Variants in FSTL5 observed in about 807,000 individuals in gnomAD.
FSTL5 encodes follistatin like 5.
A neutral mutation model predicts 89.1 loss-of-function variants in FSTL5; 62 were observed. The ratio of observed to expected loss-of-function variants is 0.70; its 90% CI spans 0.57 to 0.86. The LOEUF (loss-of-function observed/expected upper bound fraction) is 0.86. Ranked by LOEUF, FSTL5 falls within the 40% of genes least tolerant of loss-of-function variation. The pLI, the probability that FSTL5 is intolerant of heterozygous loss-of-function variation, is 0.00. For synonymous variants in FSTL5, 383 were observed against 346.2 expected, an observed-to-expected ratio of 1.11 and a Z score of -1.18; for missense variants, 1,057 against 1,001.6, an observed-to-expected ratio of 1.06 and a Z score of -0.75.
intron 7 of FSTL5, among the ~76,000 whole-genome samples, chr4:161,650,271 G>A (rs1392962185): frequency 1.3e-5 from 2 of 152,094 alleles, no homozygotes; most frequent in East Asian, 3.9e-4. Context: ...ATTATCATTC[G>A]TAGGAAAGTC....
At chr4:161,646,809 A>G (rs1736169607) in intron 7 of FSTL5, among the ~76,000 whole-genome samples, 1 of 152,158 alleles carries the variant, frequency 6.6e-6, no homozygotes, top group African/African-American at 2.4e-5. Context: ...CATACAAATG[A>G]TCATCTTTTA....
intron 4 of FSTL5, among the ~76,000 whole-genome samples, chr4:161,877,593 G>A (rs1250070881): frequency 6.6e-6 from 1 of 151,270 alleles, no homozygotes; most frequent in African/African-American, 2.4e-5. Context: ...TTGGGAGGCC[G>A]AGGAGGGCGG....
At chr4:162,115,210 T>G (rs1178202341) in intron 1 of FSTL5, among the ~76,000 whole-genome samples, 2 of 152,178 alleles carry the variant, frequency 1.3e-5, no homozygotes, top group South Asian at 2.1e-4. Flanking sequence ...GAAATATTAC[T>G]AAGAAAAACA....
chr4:161,711,642 C>T (rs1047699280), intron 6 of FSTL5, among the ~76,000 whole-genome samples: 3 of 151,794 alleles, frequency 2.0e-5, no homozygotes, highest in African/African-American at 7.3e-5. Context: ...TCAATATTAC[C>T]CTGATACCAA....
intron 8 of FSTL5, among the ~76,000 whole-genome samples, chr4:161,565,117 G>A (rs1364932421): frequency 6.6e-6 from 1 of 151,794 alleles, no homozygotes; most frequent in Non-Finnish European, 1.5e-5. Flanking sequence ...ATGTGGGGCC[G>A]AAAGCAAAGA....
At chr4:161,615,016 T>G (rs1012346249) in intron 7 of FSTL5, among the ~76,000 whole-genome samples, 2 of 151,972 alleles carry the variant, frequency 1.3e-5, no homozygotes, top group South Asian at 4.1e-4. Context: ...AGCCTTTGGC[T>G]GGGCGCGGTG....
chr4:162,036,488 C>T (rs10776535), intron 2 of FSTL5, among the ~76,000 whole-genome samples: 151,855 of 152,166 alleles, frequency 1, 75,772 homozygotes, highest in Middle Eastern at 1. Flanking sequence ...ATAAAACTCA[C>T]AGGACGTATT....
At chr4:161,773,893 T>C (rs1302763259) in intron 5 of FSTL5, among the ~76,000 whole-genome samples, 1 of 152,200 alleles carries the variant, frequency 6.6e-6, no homozygotes, top group Non-Finnish European at 1.5e-5. Flanking sequence ...TGCACTCTTA[T>C]GTTTATAGTA....
At chr4:161,623,326 A>G (rs1735207883) in intron 7 of FSTL5, among the ~76,000 whole-genome samples, 1 of 152,014 alleles carries the variant, frequency 6.6e-6, no homozygotes, top group Admixed American at 6.6e-5. Flanking sequence ...GGAAACAACC[A>G]TATTAGTATT....
intron 3 of FSTL5, among the ~76,000 whole-genome samples, chr4:161,968,934 TACACACACAC>T (rs147433060): frequency 1.4e-5 from 2 of 140,240 alleles, no homozygotes; most frequent in Admixed American, 7.4e-5. Context: ...GACACAGACA[TACACACACAC>T]ACACACACAC....
chr4:161,538,904 C>T (rs1331312244), intron 9 of FSTL5, among the ~76,000 whole-genome samples: 1 of 151,964 alleles, frequency 6.6e-6, no homozygotes, highest in African/African-American at 2.4e-5. Context: ...GCTGGGACTA[C>T]AGGCCCACTG....
intron 12 of FSTL5, among the ~76,000 whole-genome samples, chr4:161,486,907 C>A (rs184771813): frequency 1.3e-3 from 198 of 152,246 alleles, no homozygotes; most frequent in Non-Finnish European, 2.4e-3. Flanking sequence ...TTAGCTAGAG[C>A]ACTCTACTTA....
intron 3 of FSTL5, among the ~76,000 whole-genome samples, chr4:161,989,872 T>C (rs1441927143): frequency 3.3e-5 from 5 of 152,146 alleles, no homozygotes; most frequent in African/African-American, 1.2e-4. Flanking sequence ...ATTGAATACA[T>C]GTGTGTGCAT....
chr4:161,786,302 G>T (rs1245000691), intron 4 of FSTL5, among the ~76,000 whole-genome samples: 1 of 151,872 alleles, frequency 6.6e-6, no homozygotes, highest in Non-Finnish European at 1.5e-5. Context: ...TGTTACACTG[G>T]GGAGAAATAT....
chr4:161,990,198 A>G (rs1314504661), intron 3 of FSTL5, among the ~76,000 whole-genome samples: 1 of 152,160 alleles, frequency 6.6e-6, no homozygotes, highest in East Asian at 1.9e-4. Flanking sequence ...TTAGAAAATT[A>G]GACTATACAA....
chr4:161,606,744 T>C (rs1385106411), intron 7 of FSTL5, among the ~76,000 whole-genome samples: 1 of 152,136 alleles, frequency 6.6e-6, no homozygotes, highest in East Asian at 1.9e-4. Context: ...GATTCTAATA[T>C]AAGATGGTCA....
intron 1 of FSTL5, among the ~76,000 whole-genome samples, chr4:162,159,162 A>G (rs1187019256): frequency 6.6e-6 from 1 of 152,032 alleles, no homozygotes; most frequent in Non-Finnish European, 1.5e-5. Flanking sequence ...CAAAAAAACA[A>G]TATCTAGTGG....
At chr4:161,597,918 T>C (rs1734083527) in intron 7 of FSTL5, among the ~76,000 whole-genome samples, 1 of 152,130 alleles carries the variant, frequency 6.6e-6, no homozygotes, top group East Asian at 1.9e-4. Context: ...AAATACAACA[T>C]ACGACATGAA....
intron 7 of FSTL5, among the ~76,000 whole-genome samples, chr4:161,613,404 G>A (rs34128702): frequency 0.17 from 26,044 of 151,264 alleles, 2,344 homozygotes; most frequent in Middle Eastern, 0.32. Context: ...GAGCCGAGAT[G>A]GTGCCACTGC....
Sources: gnomAD v4.1 joint callset for allele counts (sites outside exome capture counted in the v4.1 genomes callset) on GRCh38, gnomAD v4.1.1 for gene constraint, MANE v1.5 for transcripts, NCBI Gene and HGNC (gene_info 2026-07-23, HGNC 2026-07-21) for gene names.